The following ABTB3 variants were observed in gnomAD, a reference collection of about 807,000 sequenced individuals.
The protein encoded by ABTB3 is ankyrin repeat- and BTB/POZ domain-containing protein 3.
At chr12:107,355,911 C>T in the ABTB3 span, among the ~76,000 whole-genome samples, 1 of 152,186 alleles carries the variant, frequency 6.6e-6, no homozygotes, top group African/African-American at 2.4e-5. Flanking sequence ...GTAACACCTT[C>T]ATAAGTCACT....
the ABTB3 span, among the ~76,000 whole-genome samples, chr12:107,545,813 T>C: frequency 6.6e-6 from 1 of 152,220 alleles, no homozygotes; most frequent in African/African-American, 2.4e-5. Context: ...TGGAAACTAC[T>C]GGCCTCAGCC....
At chr12:107,555,533 T>C in the ABTB3 span, among the ~76,000 whole-genome samples, 1 of 152,218 alleles carries the variant, frequency 6.6e-6, no homozygotes, top group Admixed American at 6.5e-5. Flanking sequence ...TCAATCTAGT[T>C]TGGTCTAATA....
At chr12:107,655,290 C>A in the ABTB3 span, among the ~76,000 whole-genome samples, 2 of 150,966 alleles carry the variant, frequency 1.3e-5, no homozygotes, top group African/African-American at 2.5e-5. Flanking sequence ...TACAAACACC[C>A]CTTTGCAGAC....
the ABTB3 span, among the ~76,000 whole-genome samples, chr12:107,351,644 C>G: frequency 6.6e-6 from 1 of 152,204 alleles, no homozygotes; most frequent in East Asian, 1.9e-4. Context: ...GGCCCCTTCT[C>G]TCTCTTGCAC....
At chr12:107,385,243 A>T in the ABTB3 span, among the ~76,000 whole-genome samples, 1 of 152,226 alleles carries the variant, frequency 6.6e-6, no homozygotes, top group Non-Finnish European at 1.5e-5. Flanking sequence ...CTCTGTCCTC[A>T]TGGAGTTTGC....
the ABTB3 span, chr12:107,649,534 A>G: frequency 6.4e-6 from 3 of 467,840 alleles, no homozygotes; most frequent in Non-Finnish European, 1.2e-5. Flanking sequence ...CCACTGAGTG[A>G]AACCCAATTT....
chr12:107,643,656 G>A, the ABTB3 span, among the ~76,000 whole-genome samples: 60,222 of 151,480 alleles, frequency 0.4, 12,565 homozygotes, highest in African/African-American at 0.47. Context: ...CCATGCAGCC[G>A]TGGCTTTGCT....
the ABTB3 span, among the ~76,000 whole-genome samples, chr12:107,655,289 C>T: frequency 7.6e-4 from 113 of 149,648 alleles, no homozygotes; most frequent in Admixed American, 1.5e-3. Context: ...CTACAAACAC[C>T]CCTTTGCAGA....
At chr12:107,334,593 T>C in the ABTB3 span, among the ~76,000 whole-genome samples, 117,509 of 151,868 alleles carry the variant, frequency 0.77, 46,323 homozygotes, top group African/African-American at 0.94. Flanking sequence ...ACATGTTAAC[T>C]AGGCCATTGG....
the ABTB3 span, among the ~76,000 whole-genome samples, chr12:107,531,921 G>T: frequency 6.6e-6 from 1 of 152,156 alleles, no homozygotes; most frequent in Non-Finnish European, 1.5e-5. Context: ...CAGCAATGCA[G>T]CCACATCCTC....
the ABTB3 span, among the ~76,000 whole-genome samples, chr12:107,578,803 G>A: frequency 6.6e-6 from 1 of 152,222 alleles, no homozygotes; most frequent in Non-Finnish European, 1.5e-5. Flanking sequence ...GCTGATTCAG[G>A]CAGAAAATCC....
chr12:107,506,311 G>T, the ABTB3 span, among the ~76,000 whole-genome samples: 1 of 152,130 alleles, frequency 6.6e-6, no homozygotes, highest in African/African-American at 2.4e-5. Context: ...CAATAACTTT[G>T]CCTGCATTGG....
chr12:107,577,202 C>T, the ABTB3 span, among the ~76,000 whole-genome samples: 1 of 152,322 alleles, frequency 6.6e-6, no homozygotes, highest in African/African-American at 2.4e-5. Context: ...CAAAGCCTAA[C>T]ATACTTACTA....
At chr12:107,520,109 G>T in the ABTB3 span, 2 of 505,488 alleles carry the variant, frequency 4.0e-6, no homozygotes, top group South Asian at 8.5e-5. Flanking sequence ...GGCACTGAGG[G>T]ACCACAGCTG....
the ABTB3 span, among the ~76,000 whole-genome samples, chr12:107,412,348 C>T: frequency 6.6e-6 from 1 of 152,232 alleles, no homozygotes; most frequent in African/African-American, 2.4e-5. Context: ...GCTCAGACGC[C>T]TGTGCCTTCA....
chr12:107,575,500 T>C, the ABTB3 span, among the ~76,000 whole-genome samples: 1 of 152,072 alleles, frequency 6.6e-6, no homozygotes, highest in Non-Finnish European at 1.5e-5. Context: ...CAACACAAAA[T>C]TCTTCTCTTA....
the ABTB3 span, among the ~76,000 whole-genome samples, chr12:107,425,925 T>C: frequency 6.6e-6 from 1 of 152,320 alleles, no homozygotes; most frequent in African/African-American, 2.4e-5. Context: ...GGTTCGACCA[T>C]CCATCACAGC....
At chr12:107,414,006 A>C in the ABTB3 span, among the ~76,000 whole-genome samples, 1 of 152,212 alleles carries the variant, frequency 6.6e-6, no homozygotes, top group Admixed American at 6.5e-5. Context: ...CACACAAGAG[A>C]AAAGAAGGCA....
chr12:107,344,729 A>C, the ABTB3 span, among the ~76,000 whole-genome samples: 1 of 152,372 alleles, frequency 6.6e-6, no homozygotes, highest in Non-Finnish European at 1.5e-5. Context: ...GCAGAGGTAG[A>C]GCCAGAACAG....
Sources: gnomAD v4.1 joint callset for allele counts (sites outside exome capture counted in the v4.1 genomes callset) on GRCh38, gnomAD v4.1.1 for gene constraint, MANE v1.5 for transcripts, NCBI Gene and HGNC (gene_info 2026-07-23, HGNC 2026-07-21) for gene names.